TMEM100: variants seen among roughly 807,000 people sequenced by gnomAD.
TMEM100 encodes the protein transmembrane protein 100.
For synonymous variants in TMEM100, 61 were observed against 67.1 expected (o/e 0.91, Z 0.44); for missense variants, 137 against 168.2 (o/e 0.81, Z 1.02).
chr17:55,730,443 A>C (rs573663794), intron 1 of TMEM100, among the ~76,000 whole-genome samples: 1 of 152,344 alleles, frequency 6.6e-6, no homozygotes, highest in African/African-American at 2.4e-5. Flanking sequence ...GCCTAGGACT[A>C]GAACCAAAGT....
chr17:55,725,522 T>C (rs116894044), upstream of TMEM100, among the ~76,000 whole-genome samples: 902 of 152,246 alleles, frequency 5.9e-3, 8 homozygotes, highest in Non-Finnish European at 0.011. Context: ...GACAGCTGCC[T>C]GCCCTGCCAA....
At chr17:55,730,939 G>T (rs1226099364) in intron 1 of TMEM100, among the ~76,000 whole-genome samples, 1 of 152,130 alleles carries the variant, frequency 6.6e-6, no homozygotes, top group East Asian at 1.9e-4. Flanking sequence ...AGGCATTATT[G>T]TCTTTGAAAA....
chr17:55,720,615 A>G lies in TMEM100; in HGVS notation c.*51T>C, dbSNP rs1908838527. On this transcript the variant is annotated 3_prime_UTR_variant, in exon 2 of 2. Transcript: ENST00000424486. ...ATGGTTCTGGGTGAATTGGGTGACA[A>G]AGTCAGAGCACGTTTTCCAGGCCCA... The G allele has an allele frequency of 6.5e-7, 1 of 1,542,758 alleles. No individual in the cohort carries two copies. The highest frequency in any genetic ancestry group is 2.0e-5 in the Admixed American group (1 of 49,426).
chr17:55,731,228 A>G (rs1909198010), intron 1 of TMEM100, among the ~76,000 whole-genome samples: 1 of 152,192 alleles, frequency 6.6e-6, no homozygotes, highest in Non-Finnish European at 1.5e-5. Context: ...TCTTTACAGC[A>G]CTGATAGGGC....
chr17:55,722,937 T>C (rs1441219462), upstream of TMEM100: 3 of 152,160 alleles, frequency 2.0e-5, no homozygotes, highest in Non-Finnish European at 2.9e-5. Flanking sequence ...TTTTTTTTTT[T>C]CCTTCGTTCT....
upstream of TMEM100, among the ~76,000 whole-genome samples, chr17:55,724,252 G>A (rs1909003067): frequency 6.6e-6 from 1 of 152,172 alleles, no homozygotes. Flanking sequence ...GCAATACCCT[G>A]ATGACTTGTC....
At chr17:55,721,894 A>G (rs1457035150) in intron 1 of TMEM100, 1 of 152,244 alleles carries the variant, frequency 6.6e-6, no homozygotes, top group African/African-American at 2.4e-5. Flanking sequence ...TCTTGGCAAA[A>G]TAAAATCAAT....
At chr17:55,721,389 G>C in intron 1 of TMEM100, 1 of 250,328 alleles carries the variant, frequency 4.0e-6, no homozygotes, top group Non-Finnish European at 7.7e-6. Flanking sequence ...GTCTACAAAA[G>C]TTTTACAAGC....
intron 1 of TMEM100, among the ~76,000 whole-genome samples, chr17:55,731,434 CA>C (rs1049187915): frequency 1.3e-5 from 2 of 151,970 alleles, no homozygotes; most frequent in African/African-American, 4.8e-5. Flanking sequence ...GTGGCTTGGG[CA>C]AGTCACCCAA....
chr17:55,730,869 T>C (rs1909188473), intron 1 of TMEM100, among the ~76,000 whole-genome samples: 1 of 152,222 alleles, frequency 6.6e-6, no homozygotes, highest in Non-Finnish European at 1.5e-5. Flanking sequence ...TCTCGTTTTG[T>C]AAAGGAGACA....
At position 55,720,801 on chromosome 17, in the gene TMEM100, C is replaced by T. The variant is rs775109407; in HGVS notation, c.270G>A (p.Leu90=). 11 of 1,614,202 alleles carry T rather than the reference C, an allele frequency of 6.8e-6. No homozygotes were observed. Among genetic ancestry groups the T allele is most frequent in the Non-Finnish European group, 1.7e-6 (2 of 1,180,034 alleles). ...SHGSIISIFG[L]VVLSSGLFLL... ...AAAAAAGTCCAGATGACAGAACAAC[C>T]AGGCCAAAGATGGAGATAATAGACC... Residue 90 remains leucine (L), a synonymous_variant, in exon 2 of 2, where the codon CTG becomes CTA. Transcript: ENST00000424486.
At chr17:55,724,004 C>T (rs1003457666), upstream of TMEM100, among the ~76,000 whole-genome samples, 2 of 152,176 alleles carry the variant, frequency 1.3e-5, no homozygotes, top group Admixed American at 6.5e-5. Flanking sequence ...ACTGGGAGCT[C>T]ATCCTACACT....
chr17:55,719,872 C>T lies in TMEM100; in HGVS notation c.*794G>A, dbSNP rs1908804399. 1 of 152,622 alleles carries T rather than the reference C, an allele frequency of 6.6e-6. No individual in the cohort carries two copies. The highest frequency in any genetic ancestry group is 1.5e-5 in the Non-Finnish European group (1 of 68,034). The allele number at this position is 152,622 out of a possible 1,614,324, so 9.5% of individuals were successfully genotyped here. A position where few individuals can be genotyped will look rare whatever the true frequency, so the allele number is the denominator to read the frequency against. ...GACAAGGGAAGATGGCAATTTGGAA[C>T]TGCAATAGAAATAACTATAGCAGAA... On this transcript the variant is annotated 3_prime_UTR_variant, in exon 2 of 2. Coordinates refer to ENST00000424486, the MANE Select transcript of TMEM100 (RefSeq NM_018286.3).
Position 55,721,129 on chromosome 17 carries a change from G to A in TMEM100, c.-59C>T. 2 of 1,522,896 alleles carry A rather than the reference G, an allele frequency of 1.3e-6. No individual in the cohort carries two copies. The highest frequency in any genetic ancestry group is 8.8e-7 in the Non-Finnish European group (1 of 1,134,330). 94.3% of individuals were successfully genotyped at this position (1,522,896 alleles called of 1,614,324 possible). A position where few individuals can be genotyped will look rare whatever the true frequency, so the allele number is the denominator to read the frequency against. The stretch of plus-strand genomic sequence containing the variant: ...ACTAGATCTGGACAGTCTCACCAGG[G>A]TGAAAGCTGTGAAGATAACAGGAGA... On this transcript the variant is annotated 5_prime_UTR_variant, in exon 2 of 2. Coordinates refer to ENST00000424486, the MANE Select transcript of TMEM100 (RefSeq NM_018286.3).
At chr17:55,729,170 G>A (rs187800696) in intron 1 of TMEM100, among the ~76,000 whole-genome samples, 14 of 152,370 alleles carry the variant, frequency 9.2e-5, no homozygotes, top group Admixed American at 1.3e-4. Context: ...CCTAGGGAAA[G>A]TCAATATGGG....
chr17:55,728,772 T>C (rs1181701403), intron 1 of TMEM100, among the ~76,000 whole-genome samples: 1 of 152,096 alleles, frequency 6.6e-6, no homozygotes, highest in East Asian at 1.9e-4. Context: ...CCAGGGAAGA[T>C]GAAATCAATT....
intron 1 of TMEM100, among the ~76,000 whole-genome samples, chr17:55,729,266 C>T (rs971153638): frequency 2.0e-5 from 3 of 152,108 alleles, no homozygotes; most frequent in African/African-American, 4.8e-5. Context: ...TATTGGCAAA[C>T]GCGGACAGGT....
chr17:55,720,368 C>T lies in TMEM100; in HGVS notation c.*298G>A, dbSNP rs1908826615. On this transcript the variant is annotated 3_prime_UTR_variant, in exon 2 of 2. Coordinates refer to ENST00000424486, the MANE Select transcript of TMEM100 (RefSeq NM_018286.3). ...GATTTTTCTCATCTTTTCTTGGCTA[C>T]TTTACAGGGTGAACCAAATACTGTC... is the stretch of plus-strand genomic sequence containing the variant. 1 of 322,628 alleles carries T rather than the reference C, an allele frequency of 3.1e-6. No individual in the cohort carries two copies. Among genetic ancestry groups the T allele is most frequent in the East Asian group, 5.1e-5 (1 of 19,598 alleles). 20.0% of individuals were successfully genotyped at this position (322,628 alleles called of 1,614,324 possible). A position where few individuals can be genotyped will look rare whatever the true frequency, so the allele number is the denominator to read the frequency against.
At chr17:55,724,290 T>C (rs536667754), upstream of TMEM100, among the ~76,000 whole-genome samples, 3 of 152,310 alleles carry the variant, frequency 2.0e-5, no homozygotes, top group South Asian at 6.2e-4. Flanking sequence ...AGAAGTTGTT[T>C]ATTCTGGAAT....
Sources: allele counts gnomAD v4.1 joint callset (sites outside exome capture counted in the v4.1 genomes callset), GRCh38; gene constraint gnomAD v4.1.1; transcripts MANE v1.5; gene names NCBI Gene and HGNC (gene_info 2026-07-23, HGNC 2026-07-21).